Variants in NTAN1 observed in about 807,000 individuals in gnomAD.
The protein encoded by NTAN1 is protein N-terminal asparagine amidohydrolase.
In NTAN1, 32 loss-of-function variants were observed where a neutral mutation model predicts 41.9. The ratio of observed to expected loss-of-function variants is 0.76; its 90% CI spans 0.58 to 1.03. The LOEUF is 1.03. Among genes scored for constraint, NTAN1 ranks in the 50% least tolerant of loss-of-function variants. The probability of loss-of-function intolerance (pLI) is 0.00; values close to 1 mark genes in which losing one functional copy is unlikely to be tolerated. For missense variants in NTAN1, 377 were observed against 377.5 expected, an observed-to-expected ratio of 1.00 and a Z score of 0.01; for synonymous variants, 140 against 139.5, an observed-to-expected ratio of 1.00 and a Z score of -0.03.
intron 1 of NTAN1, among the ~76,000 whole-genome samples, chr16:15,048,379 T>C (rs1008242944): frequency 1.3e-5 from 2 of 152,120 alleles, no homozygotes; most frequent in African/African-American, 4.8e-5. Context: ...ATTATAGTTT[T>C]TTGTTTGTTT....
At position 15,041,631 on chromosome 16, in the gene NTAN1, C is replaced by A. The variant is rs746961668; in HGVS notation, c.479G>T (p.Cys160Phe). The change falls in exon 6 of 10, where the codon TGT becomes TTT. Residue 160 changes from cysteine (C) to phenylalanine (F), a missense_variant. Cys to Phe is a radical substitution (Grantham distance 205, BLOSUM62 -2). Coordinates refer to ENST00000287706, the MANE Select transcript of NTAN1 (RefSeq NM_173474.4). ...CAAATGGCAGGACTTACCTGTCACA[C>A]ATAATGTCACTAAGTGAATGTCATC... ...QEDDIHLVTL[C>F]VTELNDREEN... 50 of 1,610,040 alleles carry A rather than the reference C, an allele frequency of 3.1e-5. No homozygotes were observed. Among genetic ancestry groups the A allele is most frequent in the Non-Finnish European group, 4.1e-5 (48 of 1,176,342 alleles).
intron 1 of NTAN1, among the ~76,000 whole-genome samples, chr16:15,050,075 T>C (rs1398126270): frequency 6.6e-6 from 1 of 152,182 alleles, no homozygotes. Flanking sequence ...ATAGTTATTG[T>C]TAGAATACAA....
chr16:15,043,748 A>G (rs2043929494), intron 5 of NTAN1, among the ~76,000 whole-genome samples: 1 of 152,148 alleles, frequency 6.6e-6, no homozygotes, highest in African/African-American at 2.4e-5. Flanking sequence ...GGGAGTTCAC[A>G]ACCAGCCTGG....
At position 15,040,001 on chromosome 16, in the gene NTAN1, G is replaced by A. The variant is rs2043737907; in HGVS notation, c.607C>T (p.Leu203Phe). The A allele has an allele frequency of 1.2e-6, 2 of 1,611,078 alleles. No individual in the cohort carries two copies. The highest frequency in any genetic ancestry group is 4.5e-5 in the East Asian group (2 of 44,822). ...CCTGCTAAAGTTCGCGCAGCACGAA[G>A]CTGCTCCTCCGGACCCCGATCTTGA... ...SFQDRGPEEQ[L>F]RAARTLAGGP... The change falls in exon 8 of 10, where the codon CTT becomes TTT. Residue 203 changes from leucine (L) to phenylalanine (F), a missense_variant. Coordinates refer to ENST00000287706, the MANE Select transcript of NTAN1 (RefSeq NM_173474.4).
At chr16:15,044,293 T>G in intron 5 of NTAN1, 41 bp downstream of exon 5, 1 of 1,399,300 alleles carries the variant, frequency 7.1e-7, no homozygotes, top group Non-Finnish European at 1.0e-6. Flanking sequence ...GGGTACATAT[T>G]TATGTCCAAT....
intron 1 of NTAN1, among the ~76,000 whole-genome samples, 153 bp from the exon 2 acceptor site, chr16:15,048,252 G>A (rs991103135): frequency 1.3e-5 from 2 of 152,238 alleles, no homozygotes; most frequent in Non-Finnish European, 2.9e-5. Flanking sequence ...GAAAAAGGCA[G>A]CAGCCACGGT....
Position 15,038,142 on chromosome 16 carries a change from A to T in NTAN1, c.822T>A (p.Phe274Leu), listed in dbSNP as rs757624032. The part of the protein sequence containing the change: ...FVEHIRSTLM[F>L]LKKHPSPAHT... ...GAGCTGGAGATGGGTGTTTTTTTAA[A>T]AACATCAAGGTAGATCTAATATGTT... Residue 274 changes from phenylalanine to leucine, a missense_variant, in exon 10 of 10, where the codon TTT becomes TTA. Coordinates refer to ENST00000287706, the MANE Select transcript of NTAN1 (RefSeq NM_173474.4). 6.2e-7 allele frequency: 1 copy of T among 1,613,276 alleles called. No homozygotes were observed. Among genetic ancestry groups the T allele is most frequent in the African/African-American group, 1.3e-5 (1 of 74,868 alleles).
chr16:15,041,797 C>T, intron 5 of NTAN1, 121 bp from the exon 6 acceptor site: 1 of 744,796 alleles, frequency 1.3e-6, no homozygotes, highest in South Asian at 1.4e-5. Flanking sequence ...GCCCTACAGC[C>T]CGCGCCCACA....
At chr16:15,055,303 G>A (rs1301395412) in intron 1 of NTAN1, among the ~76,000 whole-genome samples, 1 of 152,204 alleles carries the variant, frequency 6.6e-6, no homozygotes, top group African/African-American at 2.4e-5. Context: ...CGTGCATCAG[G>A]GCGTGGTCCT....
At position 15,056,029 on chromosome 16, in the gene NTAN1, C is replaced by G; in HGVS notation, c.-58G>C. 1 of 841,228 alleles carries G rather than the reference C, an allele frequency of 1.2e-6. No homozygotes were observed. Among genetic ancestry groups the G allele is most frequent in the African/African-American group, 1.8e-5 (1 of 55,398 alleles). 52.1% of individuals were successfully genotyped at this position (841,228 alleles called of 1,614,324 possible). A position where few individuals can be genotyped will look rare whatever the true frequency, so the allele number is the denominator to read the frequency against. ...GGCGGCGGCCCCCCGCTTTGCAGCC[C>G]CGGGCCGCCCGCCGCCCCCGCCCCT... On this transcript the variant is annotated 5_prime_UTR_variant, in exon 1 of 10. Transcript: ENST00000287706.
At chr16:15,048,144 G>A (rs954806678) in intron 1 of NTAN1, 45 bp from the exon 2 acceptor site, 12 of 1,385,726 alleles carry the variant, frequency 8.7e-6, no homozygotes, top group Non-Finnish European at 1.2e-5. Context: ...AAATTAGTGA[G>A]GATGGAAAAA....
Position 15,054,803 on chromosome 16 carries a change from G to A in NTAN1, c.81+1088C>T, listed in dbSNP as rs2044437609. Among the ~76,000 whole-genome samples the A allele has an allele frequency of 2.0e-5, 3 of 152,176 alleles. No homozygotes were observed. In the South Asian group the frequency reaches 6.2e-4, roughly 31 times the overall value. On this transcript the variant is annotated intron_variant, in intron 1 of 9. Transcript: ENST00000287706. ...AGGACACTACTCTTATCTGCCTTCAGGAGGCTTACATTCTGGCGACAGACC... is the reference window on the plus strand; with the variant it reads ...AGGACACTACTCTTATCTGCCTTCAAGAGGCTTACATTCTGGCGACAGACC...
Position 15,041,117 on chromosome 16 carries a change from T to A in NTAN1, c.492A>T (p.Leu164Phe). 1 of 1,544,980 alleles carries A rather than the reference T, an allele frequency of 6.5e-7. No homozygotes were observed. Among genetic ancestry groups the A allele is most frequent in the Non-Finnish European group, 9.0e-7 (1 of 1,116,914 alleles). ...IHLVTLCVTE[L>F]NDREENENHF... The stretch of plus-strand genomic sequence containing the variant: ...GGTTTTCGTTTTCTTCCCGGTCATT[T>A]AATTCTACAAAATAAGAATGTTTAA... The change falls in exon 7 of 10, where the codon TTA becomes TTT. Residue 164 changes from leucine to phenylalanine, a missense_variant. Leu to Phe is a conservative substitution (Grantham distance 22, BLOSUM62 0). Transcript: ENST00000287706.
chr16:15,039,678 A>G (rs1398003165), intron 8 of NTAN1, among the ~76,000 whole-genome samples: 1 of 152,166 alleles, frequency 6.6e-6, no homozygotes, highest in Non-Finnish European at 1.5e-5. Flanking sequence ...ACTTTATAGA[A>G]AAGCTCTTAC....
Position 15,055,901 on chromosome 16 carries a change from G to T in NTAN1, c.71C>A (p.Pro24Gln), listed in dbSNP as rs2044493005. ...QSAGDLVRAH[P>Q]PLEERARLLR... Reference sequence around the variant, plus strand: ...CCGCGCCCCACTCACCTCCAAAGGCGGGTGGGCTCGGACGAGGTCCCCGGC... The same window carrying T: ...CCGCGCCCCACTCACCTCCAAAGGCTGGTGGGCTCGGACGAGGTCCCCGGC... The change falls in exon 1 of 10, where the codon CCG (proline) becomes CAG (glutamine). Residue 24 changes from proline (P) to glutamine (Q), a missense_variant. Pro to Gln is a moderately conservative substitution (Grantham distance 76, BLOSUM62 -1). Coordinates refer to ENST00000287706, the MANE Select transcript of NTAN1 (RefSeq NM_173474.4). 3.3e-6 allele frequency: 4 copies of T among 1,230,536 alleles called. No individual in the cohort carries two copies. The highest frequency in any genetic ancestry group is 4.1e-6 in the Non-Finnish European group (4 of 985,988). 76.2% of individuals were successfully genotyped at this position (1,230,536 alleles called of 1,614,324 possible).
intron 1 of NTAN1, among the ~76,000 whole-genome samples, chr16:15,051,717 TA>T (rs1342401940): frequency 1.5e-5 from 2 of 134,538 alleles, no homozygotes; most frequent in East Asian, 2.2e-4. Context: ...TTTTTTTTTT[TA>T]GAGACAAGGC....
intron 4 of NTAN1, chr16:15,045,724 CAACT>C (rs1277214396): frequency 3.3e-5 from 5 of 152,260 alleles, no homozygotes; most frequent in Admixed American, 1.3e-4. Flanking sequence ...CTGAAAAATC[CAACT>C]AACTTTCTTG....
chr16:15,040,136 T>A (rs968595569), intron 7 of NTAN1, 70 bp from the exon 8 acceptor site: 9 of 799,718 alleles, frequency 1.1e-5, no homozygotes, highest in Non-Finnish European at 1.5e-5. Context: ...AGTCTTACAT[T>A]TCTACCACCA....
intron 1 of NTAN1, among the ~76,000 whole-genome samples, chr16:15,049,247 T>C (rs1567769169): frequency 6.6e-6 from 1 of 152,170 alleles, no homozygotes; most frequent in African/African-American, 2.4e-5. Flanking sequence ...CAGGCTGGTC[T>C]CAAACTCTTG....
Sources: allele counts gnomAD v4.1 joint callset (sites outside exome capture counted in the v4.1 genomes callset), GRCh38; gene constraint gnomAD v4.1.1; transcripts MANE v1.5; gene names NCBI Gene and HGNC (gene_info 2026-07-23, HGNC 2026-07-21).